HACE1: variants seen among roughly 807,000 people sequenced by gnomAD.
HACE1 encodes HECT domain and ankyrin repeat containing E3 ubiquitin protein ligase 1.
Under a neutral mutation model 118.4 loss-of-function variants are expected in HACE1, and 73 were observed. The observed-to-expected ratio is 0.62, with a 90% confidence interval of 0.51 to 0.75. HACE1 has a LOEUF of 0.75. Among genes scored for constraint, HACE1 ranks in the 30% least tolerant of loss-of-function variants. The probability of loss-of-function intolerance (pLI) is 0.00; values close to 1 mark genes in which losing one functional copy is unlikely to be tolerated. For missense variants in HACE1, 749 were observed against 1,102.2 expected, an observed-to-expected ratio of 0.68 and a Z score of 4.54; for synonymous variants, 368 against 374.8, an observed-to-expected ratio of 0.98 and a Z score of 0.21.
intron 11 of HACE1, chr6:104,786,604 CAA>C (rs778056795): frequency 8.8e-5 from 6 of 67,896 alleles, no homozygotes; most frequent in Admixed American, 1.5e-4. Flanking sequence ...ATACTGTCTC[CAA>C]AAAAAAAAAA....
intron 6 of HACE1, among the ~76,000 whole-genome samples, chr6:104,816,964 A>C (rs907204091): frequency 6.6e-6 from 1 of 152,198 alleles, no homozygotes; most frequent in African/African-American, 2.4e-5. Context: ...TGGGGCCTGT[A>C]GCCTTTGTGT....
chr6:104,786,906 A>G (rs1034136151), intron 11 of HACE1: 1 of 152,196 alleles, frequency 6.6e-6, no homozygotes, highest in Admixed American at 6.5e-5. Flanking sequence ...AAAGACCGCC[A>G]TGGAAGGAGA....
At chr6:104,771,800 TACAG>T in intron 18 of HACE1, 121 bp downstream of exon 18, 1 of 711,060 alleles carries the variant, frequency 1.4e-6, no homozygotes, top group South Asian at 1.8e-5. Flanking sequence ...GGCTTACATA[TACAG>T]ATGGGCTCCA....
chr6:104,859,524 G>GC, intron 1 of HACE1, 43 bp downstream of exon 1: 1 of 1,416,472 alleles, frequency 7.1e-7, no homozygotes. Context: ...CCCACTGGCC[G>GC]CCCCCAGCCC....
At chr6:104,851,070 C>T (rs1776154771) in intron 2 of HACE1, 74 bp from the exon 3 acceptor site, 1 of 832,892 alleles carries the variant, frequency 1.2e-6, no homozygotes, top group South Asian at 1.3e-5. Flanking sequence ...GTTAACAACT[C>T]TTTAGCTGCT....
At chr6:104,789,755 G>T (rs1337651445) in intron 11 of HACE1, among the ~76,000 whole-genome samples, 1 of 152,046 alleles carries the variant, frequency 6.6e-6, no homozygotes, top group Non-Finnish European at 1.5e-5. Context: ...ATCTATACCT[G>T]ATTTGATTTT....
chr6:104,804,449 A>G (rs1291294241), intron 7 of HACE1, among the ~76,000 whole-genome samples: 1 of 152,182 alleles, frequency 6.6e-6, no homozygotes, highest in Non-Finnish European at 1.5e-5. Context: ...GCATCATGCT[A>G]CCTGACTTCA....
At chr6:104,738,166 G>A (rs1475610082) in intron 22 of HACE1, among the ~76,000 whole-genome samples, 1 of 151,982 alleles carries the variant, frequency 6.6e-6, no homozygotes. Flanking sequence ...AAACCCATCT[G>A]TACATCACCA....
chr6:104,789,776 T>C (rs1782819432), intron 11 of HACE1, among the ~76,000 whole-genome samples: 1 of 152,174 alleles, frequency 6.6e-6, no homozygotes, highest in African/African-American at 2.4e-5. Flanking sequence ...ATATTCATCA[T>C]TACTGATGAG....
chr6:104,730,462 T>A (rs765381337), intron 22 of HACE1, 46 bp from the exon 23 acceptor site: 1 of 929,956 alleles, frequency 1.1e-6, no homozygotes, highest in Admixed American at 1.7e-5. Context: ...AAGAAAGATA[T>A]TTGTGACAGA....
At chr6:104,824,144 C>T (rs985636997) in intron 6 of HACE1, among the ~76,000 whole-genome samples, 69 of 152,126 alleles carry the variant, frequency 4.5e-4, no homozygotes, top group African/African-American at 1.6e-3. Flanking sequence ...GAAGGTGAGC[C>T]CTCCCAAGTC....
intron 19 of HACE1, among the ~76,000 whole-genome samples, chr6:104,769,516 A>G (rs958913881): frequency 1.3e-5 from 2 of 152,236 alleles, no homozygotes; most frequent in East Asian, 3.8e-4. Context: ...TACAAGGTGA[A>G]CAATCTAAAA....
intron 19 of HACE1, among the ~76,000 whole-genome samples, chr6:104,762,712 C>T (rs1188435886): frequency 1.3e-5 from 2 of 151,778 alleles, no homozygotes; most frequent in African/African-American, 2.4e-5. Context: ...AAAAAAAGGC[C>T]GGGCGCGGTA....
At chr6:104,767,802 T>C (rs1395869461) in intron 19 of HACE1, among the ~76,000 whole-genome samples, 2 of 152,164 alleles carry the variant, frequency 1.3e-5, no homozygotes, top group African/African-American at 4.8e-5. Flanking sequence ...CTTCTTCCCA[T>C]CCTTACTCCT....
intron 17 of HACE1, among the ~76,000 whole-genome samples, chr6:104,773,039 A>G (rs923975615): frequency 1.3e-5 from 2 of 152,092 alleles, no homozygotes; most frequent in Non-Finnish European, 2.9e-5. Flanking sequence ...GTAAAAAAAA[A>G]GTCTCAAAAA....
intron 20 of HACE1, among the ~76,000 whole-genome samples, chr6:104,745,131 A>T (rs1358905713): frequency 6.6e-6 from 1 of 152,218 alleles, no homozygotes; most frequent in African/African-American, 2.4e-5. Flanking sequence ...TAGGCCTTTT[A>T]GGAATTCAAT....
chr6:104,820,712 G>C (rs1412206421), intron 6 of HACE1, among the ~76,000 whole-genome samples: 1 of 152,156 alleles, frequency 6.6e-6, no homozygotes, highest in African/African-American at 2.4e-5. Flanking sequence ...AGGTTGCAGA[G>C]AAAAAGGAAG....
At chr6:104,826,337 G>A (rs1341961552) in intron 6 of HACE1, among the ~76,000 whole-genome samples, 3 of 152,162 alleles carry the variant, frequency 2.0e-5, no homozygotes, top group African/African-American at 7.2e-5. Flanking sequence ...GTTTATAGTA[G>A]AAAGGGAAGA....
chr6:104,758,597 G>A (rs898306076), intron 19 of HACE1, among the ~76,000 whole-genome samples: 1 of 152,132 alleles, frequency 6.6e-6, no homozygotes, highest in Non-Finnish European at 1.5e-5. Flanking sequence ...GCAAAAACAA[G>A]CCAAACTGTA....
Sources: allele counts gnomAD v4.1 joint callset (sites outside exome capture counted in the v4.1 genomes callset), GRCh38; gene constraint gnomAD v4.1.1; transcripts MANE v1.5; gene names NCBI Gene and HGNC (gene_info 2026-07-23, HGNC 2026-07-21).